Variants in UBAP2 observed in about 807,000 individuals in gnomAD.
The protein encoded by UBAP2 is ubiquitin-associated protein 2.
In UBAP2, 75 loss-of-function variants were observed where a neutral mutation model predicts 139.6. That is an observed-to-expected ratio of 0.54 (90% confidence interval 0.45 to 0.65). The LOEUF (loss-of-function observed/expected upper bound fraction) is 0.65, where lower values mean the gene tolerates loss of function less well. UBAP2 is among the 30% of genes least tolerant of loss of function. UBAP2 has a pLI of 0.00. For synonymous variants in UBAP2, 526 were observed against 526.2 expected (o/e 1.00, Z 0.01); for missense variants, 1,368 against 1,369.6 (o/e 1.00, Z 0.02).
intron 1 of UBAP2, among the ~76,000 whole-genome samples, chr9:34,037,994 C>G (rs1234100557): frequency 1.7e-5 from 1 of 58,576 alleles, no homozygotes; most frequent in Non-Finnish European, 3.3e-5. Flanking sequence ...AACCCTGTCT[C>G]TACAAAAAAA....
intron 8 of UBAP2, chr9:33,968,145 C>G (rs1349389164): frequency 1.7e-6 from 1 of 575,688 alleles, no homozygotes; most frequent in Non-Finnish European, 3.4e-6. Flanking sequence ...AGGACACAGA[C>G]AAATCCAATG....
At chr9:33,925,899 G>T (rs900573136) in intron 22 of UBAP2, among the ~76,000 whole-genome samples, 1 of 152,252 alleles carries the variant, frequency 6.6e-6, no homozygotes, top group Non-Finnish European at 1.5e-5. Context: ...AGAGCAAGAA[G>T]ACAGTGGCTC....
rs1824447418 is a variant in UBAP2, at chr9:34,017,241, T to C, written c.-41-52A>G. The stretch of plus-strand genomic sequence containing the variant: ...AAACAATCATAGTAAAAGATAAGCA[T>C]GTACTTCAGAGAAAACAAGGACACT... On this transcript the variant is annotated intron_variant, in intron 1 of 28. Coordinates refer to ENST00000379238, the MANE Select transcript of UBAP2 (RefSeq NM_001370062.2). 15 of 793,888 alleles carry C rather than the reference T, an allele frequency of 1.9e-5. No homozygotes were observed. In the South Asian group the frequency reaches 2.9e-4, roughly 16 times the overall value. The allele number at this position is 793,888 out of a possible 1,614,324, so 49.2% of individuals were successfully genotyped here.
At chr9:33,965,434 T>C (rs1327476147) in intron 8 of UBAP2, among the ~76,000 whole-genome samples, 1 of 152,208 alleles carries the variant, frequency 6.6e-6, no homozygotes, top group Non-Finnish European at 1.5e-5. Flanking sequence ...TCAGAAGAAT[T>C]TTACAATTTT....
At chr9:34,028,778 A>G (rs1262255088) in intron 1 of UBAP2, among the ~76,000 whole-genome samples, 2 of 151,798 alleles carry the variant, frequency 1.3e-5, no homozygotes, top group Non-Finnish European at 2.9e-5. Flanking sequence ...ACCACTACTT[A>G]TAACAGTTCT....
At chr9:33,960,969 A>C in intron 9 of UBAP2, 91 bp from the exon 10 acceptor site, 1 of 1,230,750 alleles carries the variant, frequency 8.1e-7, no homozygotes, top group Non-Finnish European at 1.2e-6. Context: ...TATGCGGGGA[A>C]AAAAGATACA....
intron 17 of UBAP2, chr9:33,935,228 A>G (rs1024877461): frequency 6.6e-6 from 1 of 150,670 alleles, no homozygotes; most frequent in Non-Finnish European, 1.5e-5. Context: ...TTTCTAAGCA[A>G]CAGTCCTTCA....
chr9:34,021,929 C>T (rs942116351), intron 1 of UBAP2, among the ~76,000 whole-genome samples: 1 of 152,150 alleles, frequency 6.6e-6, no homozygotes, highest in Non-Finnish European at 1.5e-5. Flanking sequence ...CCACTGTGCC[C>T]GGCCCCATTG....
Position 33,924,219 on chromosome 9 carries a change from ATTAGCTAGGCTCCCATC to A in UBAP2, c.2560_2576del (p.Asp854Ter). 6.2e-7 allele frequency: 1 copy of A among 1,614,210 alleles called. No individual in the cohort carries two copies. Among genetic ancestry groups the A allele is most frequent in the Non-Finnish European group, 8.5e-7 (1 of 1,180,032 alleles). The stretch of plus-strand genomic sequence containing the variant: ...GAGCAAACTCACCTGGATATGGATT[ATTAGCTAGGCTCCCATC>A]TCGGCTGGCAAGCGCTGTGGGTGCA... On this transcript the variant is annotated frameshift_variant, in exon 23 of 29. Coordinates refer to ENST00000379238, the MANE Select transcript of UBAP2 (RefSeq NM_001370062.2). LOFTEE classifies it high-confidence loss of function.
In UBAP2 at chr9:34,042,178, T is replaced by C. The variant is rs531781183; in HGVS notation, c.-42+6647A>G. On this transcript the variant is annotated intron_variant, in intron 1 of 28. Transcript: ENST00000379238. ...TACGGATATACATATAAGGTAAAAT[T>C]ATTGTAAAAAAGTAACAGTAGGCTG... 1.4e-4 allele frequency among the ~76,000 whole-genome samples: 22 copies of C among 151,826 alleles called. 1 individual carries two copies. In the South Asian group the frequency reaches 4.6e-3, roughly 32 times the overall value.
Position 34,020,998 on chromosome 9 carries a change from T to C in UBAP2, c.-41-3809A>G, listed in dbSNP as rs544900330. Among the ~76,000 whole-genome samples the C allele has an allele frequency of 7.2e-5, 11 of 152,272 alleles. No homozygotes were observed. In the East Asian group the frequency reaches 1.9e-3, roughly 27 times the overall value. ...AGTTTTAGACACCCAAAAGCAAGCA[T>C]TCCCATGATGTGGAAAGATATTCCA... is the stretch of plus-strand genomic sequence containing the variant. On this transcript the variant is annotated intron_variant, in intron 1 of 28. Transcript: ENST00000379238.
chr9:34,042,156 G>A (rs1047032655), intron 1 of UBAP2, among the ~76,000 whole-genome samples: 2 of 151,904 alleles, frequency 1.3e-5, no homozygotes, highest in Admixed American at 6.6e-5. Context: ...TGTTGCTTAC[G>A]GATATACATA....
intron 1 of UBAP2, among the ~76,000 whole-genome samples, chr9:34,036,803 TC>T (rs1564074622): frequency 1.7e-3 from 216 of 130,718 alleles, no homozygotes; most frequent in Middle Eastern, 3.8e-3. Context: ...CTTAAGTTTT[TC>T]TCTTTTTTTT....
intron 17 of UBAP2, 41 bp downstream of exon 17, chr9:33,935,798 T>G (rs1264204028): frequency 6.2e-7 from 1 of 1,613,072 alleles, no homozygotes; most frequent in African/African-American, 1.3e-5. Flanking sequence ...TCTGTTTGGT[T>G]GGCACCAGCC....
chr9:33,927,157 G>T, intron 20 of UBAP2, 77 bp from the exon 21 acceptor site: 1 of 1,151,762 alleles, frequency 8.7e-7, no homozygotes, highest in Non-Finnish European at 1.2e-6. Flanking sequence ...TCAGGAGGAG[G>T]CACAGTCACT....
intron 2 of UBAP2, among the ~76,000 whole-genome samples, chr9:34,014,042 G>A (rs972865434): frequency 6.6e-6 from 1 of 151,852 alleles, no homozygotes; most frequent in South Asian, 2.1e-4. Context: ...ATTTAAAAGG[G>A]CCAGGTGCAG....
chr9:33,988,834 T>C, intron 5 of UBAP2, 139 bp downstream of exon 5: 4 of 896,388 alleles, frequency 4.5e-6, no homozygotes, highest in Non-Finnish European at 6.9e-6. Flanking sequence ...TCGTTCAGAA[T>C]GTATGGAAAC....
chr9:34,038,669 A>T (rs558710235), intron 1 of UBAP2, among the ~76,000 whole-genome samples: 13 of 152,196 alleles, frequency 8.5e-5, no homozygotes, highest in African/African-American at 2.4e-4. Context: ...TTGGCCTCCC[A>T]AAGTGCCGAG....
At chr9:34,045,237 T>A (rs549878490) in intron 1 of UBAP2, among the ~76,000 whole-genome samples, 2 of 151,010 alleles carry the variant, frequency 1.3e-5, no homozygotes, top group Non-Finnish European at 2.9e-5. Flanking sequence ...TCCCAGGTAC[T>A]CGGGAGGCTG....
Sources: allele counts gnomAD v4.1 joint callset (sites outside exome capture counted in the v4.1 genomes callset), GRCh38; gene constraint gnomAD v4.1.1; transcripts MANE v1.5; gene names NCBI Gene and HGNC (gene_info 2026-07-23, HGNC 2026-07-21).